The following PATJ variants were observed in gnomAD, a reference collection of about 807,000 sequenced individuals.
PATJ encodes inaD-like protein.
A neutral mutation model predicts 224.9 loss-of-function variants in PATJ; 190 were observed. The observed-to-expected ratio is 0.84, with a 90% CI of 0.75 to 0.95. PATJ has a LOEUF of 0.95. Ranked by LOEUF, PATJ falls within the 40% of genes least tolerant of loss-of-function variation. The pLI, the probability that PATJ is intolerant of heterozygous loss-of-function variation, is 0.00. For missense variants in PATJ, 2,121 were observed against 2,270.3 expected (o/e 0.93, Z 1.34); for synonymous variants, 769 against 820.3 (o/e 0.94, Z 1.07).
At chr1:62,003,665 G>A (rs1268317200) in intron 28 of PATJ, among the ~76,000 whole-genome samples, 3 of 152,176 alleles carry the variant, frequency 2.0e-5, no homozygotes, top group Non-Finnish European at 4.4e-5. Context: ...AAAAATTAAT[G>A]TGATAATTTA....
chr1:61,752,311 C>CTTTT lies in PATJ; in HGVS notation c.-36+9773_-36+9776dup, dbSNP rs370759266. On this transcript the variant is annotated intron_variant, in intron 1 of 43. Transcript: ENST00000642238. ...AAAAACTGACTCTTTTCATTTCTTT[C>CTTTT]TTTTTTTTTTTTTTTTTTTTAAGAC... Among the ~76,000 whole-genome samples the CTTTT allele has an allele frequency of 1.8e-3, 223 of 124,022 alleles. 2 individuals carry two copies. In the East Asian group the frequency reaches 0.02, roughly 11 times the overall value. 81.4% of individuals were successfully genotyped at this position (124,022 alleles called of 152,430 possible). A position where few individuals can be genotyped will look rare whatever the true frequency, so the allele number is the denominator to read the frequency against.
intron 14 of PATJ, among the ~76,000 whole-genome samples, chr1:61,809,429 C>T (rs1654246093): frequency 6.6e-6 from 1 of 151,376 alleles, no homozygotes; most frequent in Non-Finnish European, 1.5e-5. Flanking sequence ...CCCTTGTTGC[C>T]CAGGCTGGAG....
At chr1:61,757,880 G>A (rs1645740121) in intron 1 of PATJ, among the ~76,000 whole-genome samples, 1 of 151,998 alleles carries the variant, frequency 6.6e-6, no homozygotes, top group Admixed American at 6.6e-5. Flanking sequence ...TTGAACTCCT[G>A]GGCTCAAGTG....
chr1:61,907,200 C>G (rs900928401), intron 24 of PATJ, among the ~76,000 whole-genome samples: 2 of 152,138 alleles, frequency 1.3e-5, no homozygotes, highest in Admixed American at 1.3e-4. Flanking sequence ...TATAAATTAC[C>G]TAGTCTTAGG....
chr1:61,751,788 T>C (rs1260613964), intron 1 of PATJ, among the ~76,000 whole-genome samples: 1 of 151,696 alleles, frequency 6.6e-6, no homozygotes, highest in African/African-American at 2.4e-5. Context: ...ACCGCACCAC[T>C]GCACTCCAGC....
chr1:61,986,730 ATTT>A (rs941885337), intron 27 of PATJ, among the ~76,000 whole-genome samples: 1 of 150,364 alleles, frequency 6.7e-6, no homozygotes, highest in Non-Finnish European at 1.5e-5. Flanking sequence ...TTCATCACCT[ATTT>A]TTTCTCGTTA....
chr1:62,026,286 A>G lies in PATJ; in HGVS notation c.3959+8339A>G, dbSNP rs553842325. ...TTGTTTTGTACATTACTTCTGGTTC[A>G]TTTACATGGAGCTTTCCTGGCTGAA... On this transcript the variant is annotated intron_variant, in intron 29 of 43. Transcript: ENST00000642238. 2.0e-5 allele frequency among the ~76,000 whole-genome samples: 3 copies of G among 152,282 alleles called. No homozygotes were observed. The East Asian group carries it at 5.8e-4, about 29-fold the overall frequency.
At chr1:61,851,672 G>C (rs61770159) in intron 17 of PATJ, among the ~76,000 whole-genome samples, 20,435 of 152,074 alleles carry the variant, frequency 0.13, 1,565 homozygotes, top group South Asian at 0.28. Context: ...TATTTTTAAA[G>C]ATGGTTCTAT....
At chr1:62,035,039 G>A (rs1650113740) in intron 29 of PATJ, among the ~76,000 whole-genome samples, 1 of 152,168 alleles carries the variant, frequency 6.6e-6, no homozygotes, top group Non-Finnish European at 1.5e-5. Flanking sequence ...TCGGCCCTAA[G>A]CTGAGCTTTA....
At chr1:61,800,891 C>A (rs1249210092) in intron 11 of PATJ, among the ~76,000 whole-genome samples, 2 of 152,148 alleles carry the variant, frequency 1.3e-5, no homozygotes, top group Admixed American at 1.3e-4. Flanking sequence ...TCACCCATGT[C>A]CCTACAAAGG....
chr1:61,915,575 A>G (rs1489433886), intron 26 of PATJ, among the ~76,000 whole-genome samples: 1 of 152,054 alleles, frequency 6.6e-6, no homozygotes, highest in African/African-American at 2.4e-5. Context: ...GAATCTATAG[A>G]TTAACTTAGA....
intron 22 of PATJ, among the ~76,000 whole-genome samples, 194 bp from the exon 23 acceptor site, chr1:61,899,389 T>C (rs1032314298): frequency 3.3e-5 from 5 of 152,110 alleles, no homozygotes; most frequent in African/African-American, 1.2e-4. Context: ...TAATGCTGGG[T>C]GGGGATTTGT....
At chr1:62,028,766 A>T (rs1648553146) in intron 29 of PATJ, among the ~76,000 whole-genome samples, 1 of 151,978 alleles carries the variant, frequency 6.6e-6, no homozygotes. Flanking sequence ...CCTGGGCAAC[A>T]GAAGAAGACT....
At chr1:61,894,964 A>T (rs1670155107) in intron 22 of PATJ, among the ~76,000 whole-genome samples, 1 of 152,160 alleles carries the variant, frequency 6.6e-6, no homozygotes, top group Non-Finnish European at 1.5e-5. Flanking sequence ...ATTTATTGGG[A>T]AGTGGAGCAA....
At chr1:61,775,760 A>T (rs1167912908) in intron 7 of PATJ, among the ~76,000 whole-genome samples, 3 of 152,210 alleles carry the variant, frequency 2.0e-5, no homozygotes, top group Non-Finnish European at 4.4e-5. Context: ...TTATGGTCTT[A>T]TAAGTTAAAT....
intron 30 of PATJ, among the ~76,000 whole-genome samples, chr1:62,042,139 C>T (rs1651612987): frequency 6.6e-6 from 1 of 152,128 alleles, no homozygotes; most frequent in African/African-American, 2.4e-5. Flanking sequence ...ATTTGTATTT[C>T]ATTTTCAAAA....
chr1:61,763,393 G>A (rs1414692144), intron 3 of PATJ, among the ~76,000 whole-genome samples: 3 of 152,026 alleles, frequency 2.0e-5, no homozygotes, highest in Admixed American at 6.6e-5. Flanking sequence ...GTAACTGGAT[G>A]TGGTGGCATG....
At chr1:62,144,777 A>AAAAATATAT (rs377489788) in intron 41 of PATJ, among the ~76,000 whole-genome samples, 41 of 119,090 alleles carry the variant, frequency 3.4e-4, no homozygotes, top group Middle Eastern at 7.7e-3. Context: ...AAAAAAAAAA[A>AAAAATATAT]ATATATATAT....
intron 14 of PATJ, 107 bp from the exon 15 acceptor site, chr1:61,822,838 T>A (rs909783545): frequency 6.9e-6 from 9 of 1,300,954 alleles, no homozygotes; most frequent in Non-Finnish European, 9.6e-6. Context: ...ATTTTGGTGA[T>A]CTAATTCAAG....
Sources: gnomAD v4.1 joint callset for allele counts (sites outside exome capture counted in the v4.1 genomes callset) on GRCh38, gnomAD v4.1.1 for gene constraint, MANE v1.5 for transcripts, NCBI Gene and HGNC (gene_info 2026-07-23, HGNC 2026-07-21) for gene names.